PLPPR2: variants seen among roughly 807,000 people sequenced by gnomAD.
PLPPR2 encodes the protein phospholipid phosphatase-related protein type 2.
Under a neutral mutation model 40.3 loss-of-function variants are expected in PLPPR2, and 11 were observed. The observed-to-expected ratio is 0.27, with a 90% CI of 0.17 to 0.45. The LOEUF is 0.45. Ranked by LOEUF, PLPPR2 falls within the 20% of genes least tolerant of loss-of-function variation. The pLI, the probability that PLPPR2 is intolerant of heterozygous loss-of-function variation, is 1.00. For synonymous variants in PLPPR2, 260 were observed against 290.8 expected (o/e 0.89, Z 1.08); for missense variants, 497 against 640.7 (o/e 0.78, Z 2.42).
rs1341169439 is a variant in PLPPR2, at chr19:11,363,478, C to T, written c.841-235C>T. Among the ~76,000 whole-genome samples the T allele has an allele frequency of 6.6e-6, 1 of 151,998 alleles. No homozygotes were observed. Among genetic ancestry groups the T allele is most frequent in the Non-Finnish European group, 1.5e-5 (1 of 67,998 alleles). On this transcript the variant is annotated intron_variant, in intron 7 of 9. Coordinates refer to ENST00000688289, the MANE Select transcript of PLPPR2 (RefSeq NM_001393892.1). This position sits in a 1 kb window ranked among gnomAD's most constrained non-coding sequence, Gnocchi z 4.8. The stretch of plus-strand genomic sequence containing the variant: ...AATAAAAAATTAAAAAAATTAAATC[C>T]TGCCACTGTACAACTTGGTCTTACT...
At position 11,361,431 on chromosome 19, in the gene PLPPR2, C is replaced by G. The variant is rs778658442; in HGVS notation, c.606C>G (p.Arg202=). 5.6e-6 allele frequency: 9 copies of G among 1,605,600 alleles called. No individual in the cohort carries two copies. In the East Asian group the frequency reaches 2.0e-4, roughly 36 times the overall value. ...AGSPSLVAAA[R]RAFPCKDAAL... ...GTCCCAGCCTCGTGGCCGCCGCGCGCCGCGCCTTCCCCTGCAAGGATGCGG... is the reference window on the plus strand; with the variant it reads ...GTCCCAGCCTCGTGGCCGCCGCGCGGCGCGCCTTCCCCTGCAAGGATGCGG... The change falls in exon 6 of 10, where the codon CGC becomes CGG. Residue 202 remains arginine (R), a synonymous_variant. Coordinates refer to ENST00000688289, the MANE Select transcript of PLPPR2 (RefSeq NM_001393892.1). The surrounding 1 kb of genome is among the most constrained non-coding windows in gnomAD (Gnocchi z 6.3).
chr19:11,357,487 C>A, intron 2 of PLPPR2, 173 bp from the exon 3 acceptor site: 1 of 481,180 alleles, frequency 2.1e-6, no homozygotes, highest in Non-Finnish European at 3.7e-6. Flanking sequence ...AGGGCAGGAC[C>A]TGGATTGCAG....
intron 5 of PLPPR2, 86 bp downstream of exon 5, chr19:11,360,042 A>AT: frequency 6.8e-7 from 1 of 1,461,884 alleles, no homozygotes; most frequent in Middle Eastern, 1.9e-4. Flanking sequence ...GACAGTCATA[A>AT]TAATTCCAGG....
At chr19:11,356,197 T>G (rs1967868207) in intron 1 of PLPPR2, among the ~76,000 whole-genome samples, 1 of 152,070 alleles carries the variant, frequency 6.6e-6, no homozygotes, top group Admixed American at 6.6e-5. Context: ...GATGGCACCT[T>G]GTCTCTCCCC....
At chr19:11,355,945 T>TTG (rs573613618) in intron 1 of PLPPR2, among the ~76,000 whole-genome samples, 120 of 151,092 alleles carry the variant, frequency 7.9e-4, no homozygotes, top group African/African-American at 2.8e-3. Flanking sequence ...CTCTGATGGT[T>TTG]TGTGTGTGTG....
rs961600395 is a variant in PLPPR2, at chr19:11,363,990, G to A, written c.963+155G>A. On this transcript the variant is annotated intron_variant, in intron 8 of 9. Transcript: ENST00000688289. This position sits in a 1 kb window ranked among gnomAD's most constrained non-coding sequence, Gnocchi z 4.8. ...TGTGGACATAGGTCCTGGGCGGACA[G>A]CCCCAAAGAATGAAAGGGAGCACCC... 1.3e-4 allele frequency: 178 copies of A among 1,324,442 alleles called. No homozygotes were observed. Among genetic ancestry groups the A allele is most frequent in the Non-Finnish European group, 1.8e-4 (174 of 973,390 alleles). The allele number at this position is 1,324,442 out of a possible 1,614,324, so 82.0% of individuals were successfully genotyped here.
At chr19:11,356,605 G>T (rs778720895) in intron 1 of PLPPR2, among the ~76,000 whole-genome samples, 197 bp from the exon 2 acceptor site, 24 of 151,950 alleles carry the variant, frequency 1.6e-4, no homozygotes, top group Admixed American at 1.6e-3. Flanking sequence ...CCAGCACAGC[G>T]CCTGGAAGTC....
chr19:11,364,856 C>A lies in PLPPR2; in HGVS notation c.*166C>A. The A allele has an allele frequency of 2.6e-6, 2 of 771,586 alleles. No individual in the cohort carries two copies. The highest frequency in any genetic ancestry group is 4.1e-6 in the Non-Finnish European group (2 of 481,998). The allele number at this position is 771,586 out of a possible 1,614,324, so 47.8% of individuals were successfully genotyped here. On this transcript the variant is annotated 3_prime_UTR_variant, in exon 10 of 10. Transcript: ENST00000688289. The surrounding 1 kb of genome is among the most constrained non-coding windows in gnomAD (Gnocchi z 5.8). ...TTTAGGAGACATCTGCCTCTCTGGC[C>A]CTCTGAGATATCCCGATGGGCACAA...
At position 11,361,073 on chromosome 19, in the gene PLPPR2, AAAGG is replaced by A. The variant is rs1433076353; in HGVS notation, c.392-139_392-136del. The A allele has an allele frequency of 3.7e-6, 4 of 1,086,410 alleles. No individual in the cohort carries two copies. The highest frequency in any genetic ancestry group is 2.6e-5 in the East Asian group (1 of 38,036). The allele number at this position is 1,086,410 out of a possible 1,614,324, so 67.3% of individuals were successfully genotyped here. On this transcript the variant is annotated intron_variant, in intron 5 of 9. Transcript: ENST00000688289. The surrounding 1 kb of genome is among the most constrained non-coding windows in gnomAD (Gnocchi z 6.3). ...CTCAGAGTACCTTCATGGTGGTCTT[AAAGG>A]AAGGGGGATGTTGGCACAACTACAG...
chr19:11,355,798 TTG>T (rs1967850209), intron 1 of PLPPR2, among the ~76,000 whole-genome samples: 1 of 152,006 alleles, frequency 6.6e-6, no homozygotes, highest in Admixed American at 6.6e-5. Flanking sequence ...GATTGTGTGG[TTG>T]TCATTGTGTG....
rs2144679009 is a variant in PLPPR2, at chr19:11,363,317, G to A, written c.841-396G>A. On this transcript the variant is annotated intron_variant, in intron 7 of 9. Coordinates refer to ENST00000688289, the MANE Select transcript of PLPPR2 (RefSeq NM_001393892.1). The surrounding 1 kb of genome is among the most constrained non-coding windows in gnomAD (Gnocchi z 4.8). ...AAAAAAAAATTAGCTGGGAATGGTG[G>A]TGCACACCTGTGGTCCCAGCTACTC... Among the ~76,000 whole-genome samples the A allele has an allele frequency of 6.6e-6, 1 of 151,834 alleles. No individual in the cohort carries two copies. The highest frequency in any genetic ancestry group is 1.9e-4 in the East Asian group (1 of 5,168).
At position 11,360,536 on chromosome 19, in the gene PLPPR2, G is replaced by A. The variant is rs563682342; in HGVS notation, c.391+580G>A. Reference sequence around the variant, plus strand: ...ACTTAGGCTCAGACCAGATGTAATGGAGGTTCTAGGGACATGGGTGGGGCC... The same window carrying A: ...ACTTAGGCTCAGACCAGATGTAATGAAGGTTCTAGGGACATGGGTGGGGCC... On this transcript the variant is annotated intron_variant, in intron 5 of 9. Coordinates refer to ENST00000688289, the MANE Select transcript of PLPPR2 (RefSeq NM_001393892.1). 3.9e-5 allele frequency among the ~76,000 whole-genome samples: 6 copies of A among 152,234 alleles called. No homozygotes were observed. The South Asian group carries it at 1.2e-3, about 32-fold the overall frequency.
Position 11,364,607 on chromosome 19 carries a change from A to T in PLPPR2, c.1276A>T (p.Thr426Ser). The T allele has an allele frequency of 6.5e-7, 1 of 1,536,638 alleles. No individual in the cohort carries two copies. The highest frequency in any genetic ancestry group is 8.7e-7 in the Non-Finnish European group (1 of 1,146,786). Residue 426 changes from threonine (T) to serine (S), a missense_variant, in exon 10 of 10, where the codon ACC becomes TCC. Transcript: ENST00000688289. The surrounding 1 kb of genome is among the most constrained non-coding windows in gnomAD (Gnocchi z 5.8). ...CACGCCCCTGCTGCGGGACCTGTACACCCTGAGTGGACTCTATCCCTCCCC... is the reference window on the plus strand; with the variant it reads ...CACGCCCCTGCTGCGGGACCTGTACTCCCTGAGTGGACTCTATCCCTCCCC... ...LPTPLLRDLY[T>S]LSGLYPSPFH... is the part of the protein sequence containing the mutation.
Position 11,364,090 on chromosome 19 carries a change from G to A in PLPPR2, c.964-71G>A, listed in dbSNP as rs1188371192. The A allele has an allele frequency of 1.3e-6, 2 of 1,534,768 alleles. No individual in the cohort carries two copies. The highest frequency in any genetic ancestry group is 1.4e-5 in the African/African-American group (1 of 72,286). On this transcript the variant is annotated intron_variant, in intron 8 of 9. Coordinates refer to ENST00000688289, the MANE Select transcript of PLPPR2 (RefSeq NM_001393892.1). This position sits in a 1 kb window ranked among gnomAD's most constrained non-coding sequence, Gnocchi z 5.8. The stretch of plus-strand genomic sequence containing the variant: ...TTTTCCATGGGGCTCTTCACCTGAT[G>A]AGCTCCTTGTGGCTGTGGCCGGTAG...
chr19:11,365,484 C>G lies in PLPPR2; in HGVS notation c.*794C>G, dbSNP rs1339302181. On this transcript the variant is annotated 3_prime_UTR_variant, in exon 10 of 10. Coordinates refer to ENST00000688289, the MANE Select transcript of PLPPR2 (RefSeq NM_001393892.1). Reference sequence around the variant, plus strand: ...TGTGGGAAGGGTTTTTCTTCTTTTTCTTGGAACCTGCCCCTGTTCTTCACA... The same window carrying G: ...TGTGGGAAGGGTTTTTCTTCTTTTTGTTGGAACCTGCCCCTGTTCTTCACA... 6.5e-6 allele frequency: 1 copy of G among 152,690 alleles called. No homozygotes were observed. The highest frequency in any genetic ancestry group is 6.5e-5 in the Admixed American group (1 of 15,276). The allele number at this position is 152,690 out of a possible 1,614,324, so 9.5% of individuals were successfully genotyped here.
rs779525169 is a variant in PLPPR2, at chr19:11,362,446, A to T, written c.664-67A>T. The T allele has an allele frequency of 1.2e-5, 19 of 1,587,574 alleles. No individual in the cohort carries two copies. The South Asian group carries it at 2.1e-4, about 18-fold the overall frequency. ...CTCTGGCCATGCGCTCTAGCCCAGAAAGGAGCGTCCACTTGGGTTCGGCGA... is the reference window on the plus strand; with the variant it reads ...CTCTGGCCATGCGCTCTAGCCCAGATAGGAGCGTCCACTTGGGTTCGGCGA... On this transcript the variant is annotated intron_variant, in intron 6 of 9. Coordinates refer to ENST00000688289, the MANE Select transcript of PLPPR2 (RefSeq NM_001393892.1). This position sits in a 1 kb window ranked among gnomAD's most constrained non-coding sequence, Gnocchi z 5.3.
rs976589595 is a variant in PLPPR2, at chr19:11,364,783, C to T, written c.*93C>T. ...GCCACGTGAGTGCCAAAGTCCCCTG[C>T]CCCCCAAGCCAGCCAGACCCAGACA... On this transcript the variant is annotated 3_prime_UTR_variant, in exon 10 of 10. Coordinates refer to ENST00000688289, the MANE Select transcript of PLPPR2 (RefSeq NM_001393892.1). The surrounding 1 kb of genome is among the most constrained non-coding windows in gnomAD (Gnocchi z 5.8). The T allele has an allele frequency of 4.3e-6, 6 of 1,402,364 alleles. No individual in the cohort carries two copies. The highest frequency in any genetic ancestry group is 1.4e-5 in the African/African-American group (1 of 70,734). The allele number at this position is 1,402,364 out of a possible 1,614,324, so 86.9% of individuals were successfully genotyped here. A position where few individuals can be genotyped will look rare whatever the true frequency, so the allele number is the denominator to read the frequency against.
chr19:11,361,626 C>A lies in PLPPR2; in HGVS notation c.663+138C>A. 1 of 1,210,550 alleles carries A rather than the reference C, an allele frequency of 8.3e-7. No homozygotes were observed. The highest frequency in any genetic ancestry group is 1.1e-6 in the Non-Finnish European group (1 of 892,228). The allele number at this position is 1,210,550 out of a possible 1,614,324, so 75.0% of individuals were successfully genotyped here. ...GGAAGCTCTCGCTCCACGCCCCGAC[C>A]TGTTGGAAGCTCTCCCTCCTCCTCC... On this transcript the variant is annotated intron_variant, in intron 6 of 9. Transcript: ENST00000688289. This position sits in a 1 kb window ranked among gnomAD's most constrained non-coding sequence, Gnocchi z 6.3.
rs1033774902 is a variant in PLPPR2 at position 11,360,071 on chromosome 19, G to A, written c.391+115G>A. The A allele has an allele frequency of 1.0e-4, 143 of 1,376,442 alleles. No individual in the cohort carries two copies. The South Asian group carries it at 1.3e-3, about 12-fold the overall frequency. The allele number at this position is 1,376,442 out of a possible 1,614,324, so 85.3% of individuals were successfully genotyped here. A position where few individuals can be genotyped will look rare whatever the true frequency, so the allele number is the denominator to read the frequency against. On this transcript the variant is annotated intron_variant, in intron 5 of 9. Coordinates refer to ENST00000688289, the MANE Select transcript of PLPPR2 (RefSeq NM_001393892.1). ...TTCCAGGCTGGGTGTGGTGGCTCAC[G>A]CCTGTAATCTCAGCACTGTGGGAGG...
Sources: gnomAD v4.1 joint callset for allele counts (sites outside exome capture counted in the v4.1 genomes callset) on GRCh38, gnomAD v4.1.1 for gene constraint, Gnocchi (gnomAD v3.1) non-coding constraint, MANE v1.5 for transcripts, NCBI Gene and HGNC (gene_info 2026-07-23, HGNC 2026-07-21) for gene names.